The following CSMD1 variants were observed in gnomAD, a reference collection of about 807,000 sequenced individuals.
CSMD1 encodes CUB and sushi domain-containing protein 1.
Under a neutral mutation model 417.5 loss-of-function variants are expected in CSMD1, and 213 were observed. That is an observed-to-expected ratio of 0.51 (90% CI 0.46 to 0.57). The LOEUF (loss-of-function observed/expected upper bound fraction) is 0.57, where lower values mean the gene tolerates loss of function less well. Among genes scored for constraint, CSMD1 ranks in the 20% least tolerant of loss-of-function variants. The probability of loss-of-function intolerance (pLI) is 0.00; values close to 1 mark genes in which losing one functional copy is unlikely to be tolerated. For missense variants in CSMD1, 6,923 were observed against 4,529.7 expected, an observed-to-expected ratio of 1.53 and a Z score of -15.17; for synonymous variants, 2,862 against 1,736.8, an observed-to-expected ratio of 1.65 and a Z score of -16.11.
intron 7 of CSMD1, among the ~76,000 whole-genome samples, chr8:3,648,987 T>C (rs1797714992): frequency 6.6e-6 from 1 of 152,204 alleles, no homozygotes; most frequent in African/African-American, 2.4e-5. Context: ...TTTGAGATTC[T>C]CTTTGCGTCC....
intron 50 of CSMD1, among the ~76,000 whole-genome samples, chr8:3,047,199 A>G (rs796954114): frequency 7.3e-4 from 102 of 138,824 alleles, no homozygotes; most frequent in African/African-American, 2.6e-3. Flanking sequence ...AGGCAACAGT[A>G]TAAGACTCCC....
rs531631910 is a variant in CSMD1 at position 4,404,164 on chromosome 8, C to G, written c.415+15789G>C. ...TCTCAGCGTAGAGCTTTCCGGAACACTCTATTTAATATTGAAACTCAACCT... is the reference window on the plus strand; with the variant it reads ...TCTCAGCGTAGAGCTTTCCGGAACAGTCTATTTAATATTGAAACTCAACCT... On this transcript the variant is annotated intron_variant, in intron 3 of 69. Coordinates refer to ENST00000635120, the MANE Select transcript of CSMD1 (RefSeq NM_033225.6). Among the ~76,000 whole-genome samples the G allele has an allele frequency of 1.7e-3, 256 of 152,252 alleles. 2 individuals carry two copies. The highest frequency in any genetic ancestry group is 1.0e-3 in the Non-Finnish European group (68 of 68,010).
At chr8:3,065,087 A>C (rs919665347) in intron 49 of CSMD1, among the ~76,000 whole-genome samples, 1 of 152,208 alleles carries the variant, frequency 6.6e-6, no homozygotes, top group Non-Finnish European at 1.5e-5. Context: ...CTGGACTAGA[A>C]TCTTCACAGG....
intron 5 of CSMD1, among the ~76,000 whole-genome samples, chr8:3,967,282 C>A (rs1475139693): frequency 6.6e-6 from 1 of 151,788 alleles, no homozygotes; most frequent in Non-Finnish European, 1.5e-5. Flanking sequence ...CTATACTGTT[C>A]TTGTTCCCTT....
intron 7 of CSMD1, among the ~76,000 whole-genome samples, chr8:3,664,829 TAA>T (rs777479703): frequency 2.4e-4 from 37 of 152,148 alleles, no homozygotes; most frequent in Admixed American, 6.5e-4. Flanking sequence ...TTAAAATAGC[TAA>T]AAGTTTAGCA....
At chr8:3,326,723 G>A (rs1806555596) in intron 23 of CSMD1, among the ~76,000 whole-genome samples, 1 of 152,142 alleles carries the variant, frequency 6.6e-6, no homozygotes, top group Non-Finnish European at 1.5e-5. Flanking sequence ...TCTCCCTATT[G>A]TATTGGAATT....
intron 2 of CSMD1, among the ~76,000 whole-genome samples, chr8:4,635,342 C>CT (rs1360967886): frequency 2.0e-5 from 3 of 151,902 alleles, no homozygotes; most frequent in Non-Finnish European, 4.4e-5. Flanking sequence ...GCTGTCGATC[C>CT]TGTTATAATA....
chr8:3,735,787 T>C (rs1204688191), intron 6 of CSMD1, among the ~76,000 whole-genome samples: 1 of 152,226 alleles, frequency 6.6e-6, no homozygotes, highest in Non-Finnish European at 1.5e-5. Flanking sequence ...CACATGCTCC[T>C]TGCTAATCTG....
chr8:4,335,408 C>A (rs918607666), intron 3 of CSMD1, among the ~76,000 whole-genome samples: 7 of 152,078 alleles, frequency 4.6e-5, no homozygotes, highest in African/African-American at 1.7e-4. Context: ...ATTGCACCAT[C>A]TCTTTCTGAA....
At chr8:4,244,234 C>G (rs1176821960) in intron 3 of CSMD1, among the ~76,000 whole-genome samples, 1 of 152,160 alleles carries the variant, frequency 6.6e-6, no homozygotes, top group Admixed American at 6.5e-5. Context: ...AACAGCTAGG[C>G]TTGAAACGTT....
At chr8:4,768,159 G>GA (rs1320496103) in intron 1 of CSMD1, among the ~76,000 whole-genome samples, 3 of 152,152 alleles carry the variant, frequency 2.0e-5, no homozygotes, top group Non-Finnish European at 1.5e-5. Flanking sequence ...AACTAGTGGT[G>GA]AAAATTAGCA....
intron 1 of CSMD1, among the ~76,000 whole-genome samples, chr8:4,852,358 G>C (rs1280188321): frequency 2.0e-5 from 3 of 152,024 alleles, no homozygotes. Context: ...TGCAACATCT[G>C]GTTGTTTAAA....
chr8:2,984,648 C>T lies in CSMD1; in HGVS notation c.8378-5848G>A, dbSNP rs142755188. ...AGGCATGAGCCACCGCGCCTCGCCT[C>T]ATTCTTTTACTTCATGAGTGCTGGA... On this transcript the variant is annotated intron_variant, in intron 54 of 69. Transcript: ENST00000635120. Among the ~76,000 whole-genome samples the T allele has an allele frequency of 6.3e-3, 956 of 152,312 alleles. 11 individuals carry two copies. The highest frequency in any genetic ancestry group is 0.014 in the Middle Eastern group (4 of 294).
chr8:4,829,641 G>A (rs1232198494), intron 1 of CSMD1, among the ~76,000 whole-genome samples: 1 of 151,670 alleles, frequency 6.6e-6, no homozygotes, highest in Non-Finnish European at 1.5e-5. Flanking sequence ...TCAGGAGGCT[G>A]AGGAGGGGGG....
chr8:4,503,506 A>G (rs1044618128), intron 2 of CSMD1, among the ~76,000 whole-genome samples: 1 of 152,204 alleles, frequency 6.6e-6, no homozygotes, highest in Non-Finnish European at 1.5e-5. Flanking sequence ...TAGAAAATCC[A>G]AGCACTCACA....
At chr8:3,365,323 C>A (rs559647280) in intron 20 of CSMD1, among the ~76,000 whole-genome samples, 1 of 152,240 alleles carries the variant, frequency 6.6e-6, no homozygotes, top group Admixed American at 6.5e-5. Context: ...TAAATGGCAA[C>A]TAGGTAGAAT....
Position 4,256,161 on chromosome 8 carries a change from C to A in CSMD1, c.415+163792G>T, listed in dbSNP as rs994018648. Reference sequence around the variant, plus strand: ...CTAATCACTATGTAGCCTGCCAGAGCTTTTTATGCCAATTTCCACTTCATT... The same window carrying A: ...CTAATCACTATGTAGCCTGCCAGAGATTTTTATGCCAATTTCCACTTCATT... On this transcript the variant is annotated intron_variant, in intron 3 of 69. Coordinates refer to ENST00000635120, the MANE Select transcript of CSMD1 (RefSeq NM_033225.6). Among the ~76,000 whole-genome samples, 12 of 152,298 alleles carry A rather than the reference C, an allele frequency of 7.9e-5. No individual in the cohort carries two copies. The East Asian group carries it at 1.9e-3, about 25-fold the overall frequency.
chr8:4,839,176 G>C (rs892162075), intron 1 of CSMD1, among the ~76,000 whole-genome samples: 5 of 152,024 alleles, frequency 3.3e-5, no homozygotes, highest in Non-Finnish European at 7.3e-5. Flanking sequence ...CCCTTCATCA[G>C]GTTCCAAGAA....
chr8:4,972,417 A>C (rs896290805), intron 1 of CSMD1, among the ~76,000 whole-genome samples: 1 of 152,116 alleles, frequency 6.6e-6, no homozygotes, highest in Non-Finnish European at 1.5e-5. Flanking sequence ...GTGAATTCTC[A>C]TGAGATTTAA....
Sources: allele counts gnomAD v4.1 joint callset (sites outside exome capture counted in the v4.1 genomes callset), GRCh38; gene constraint gnomAD v4.1.1; transcripts MANE v1.5; gene names NCBI Gene and HGNC (gene_info 2026-07-23, HGNC 2026-07-21).